ANKS1B: variants seen among roughly 807,000 people sequenced by gnomAD.
ANKS1B encodes the protein ankyrin repeat and sterile alpha motif domain containing 1B, also known as ankyrin repeat and sterile alpha motif domain-containing protein 1B.
ANKS1B carries 36 observed loss-of-function variants against 148.3 expected under a neutral mutation model. The observed-to-expected ratio is 0.24, with a 90% confidence interval of 0.19 to 0.32. ANKS1B has a LOEUF of 0.32. Among genes scored for constraint, ANKS1B ranks in the 10% least tolerant of loss-of-function variants. The pLI, the probability that ANKS1B is intolerant of heterozygous loss-of-function variation, is 1.00. For missense variants in ANKS1B, 1,157 were observed against 1,542.6 expected (o/e 0.75, Z 4.19); for synonymous variants, 542 against 560.8 (o/e 0.97, Z 0.47).
At chr12:98,978,823 T>A (rs2099903041) in intron 17 of ANKS1B, among the ~76,000 whole-genome samples, 1 of 152,124 alleles carries the variant, frequency 6.6e-6, no homozygotes, top group African/African-American at 2.4e-5. Context: ...TATTTTTGCT[T>A]TAAATAGCTA....
chr12:99,246,747 A>T lies in ANKS1B; in HGVS notation c.1874T>A (p.Leu625His). The T allele has an allele frequency of 6.2e-7, 1 of 1,613,910 alleles. No individual in the cohort carries two copies. Among genetic ancestry groups the T allele is most frequent in the South Asian group, 1.1e-5 (1 of 91,078 alleles). Reference protein sequence around the residue: ...ACESPENPFHLYGKREQCEKG... With the variant: ...ACESPENPFHHYGKREQCEKG... ...TTCACATTGTTCTCTTTTCCCATAG[A>T]GATGAAATGGATTTTCAGGGGACTC... The change falls in exon 13 of 27, where the codon CTC becomes CAC. Residue 625 changes from leucine to histidine, a missense_variant. Physicochemically the swap from Leu to His is moderately conservative, Grantham distance 99. This residue lies in a region of ANKS1B where 661 missense variants were observed against 642.1 expected (regional missense o/e 1.03). Coordinates refer to ENST00000683438, the MANE Select transcript of ANKS1B (RefSeq NM_001352186.2).
intron 9 of ANKS1B, among the ~76,000 whole-genome samples, chr12:99,630,788 C>G (rs907397443): frequency 3.3e-5 from 5 of 152,156 alleles, no homozygotes; most frequent in Non-Finnish European, 7.3e-5. Flanking sequence ...GACTCTACAG[C>G]ACGTCCTTAC....
chr12:99,710,620 T>A (rs1374539217), intron 8 of ANKS1B, among the ~76,000 whole-genome samples: 9 of 152,178 alleles, frequency 5.9e-5, no homozygotes, highest in Non-Finnish European at 1.5e-5. Context: ...CTTTCCTTAT[T>A]TATAGGCATC....
At chr12:99,209,647 A>G (rs2083097693) in intron 14 of ANKS1B, among the ~76,000 whole-genome samples, 1 of 152,186 alleles carries the variant, frequency 6.6e-6, no homozygotes, top group Non-Finnish European at 1.5e-5. Context: ...CAAACTATAA[A>G]CAAGGATGAG....
At chr12:99,002,469 A>G (rs1051854668) in intron 17 of ANKS1B, among the ~76,000 whole-genome samples, 1 of 150,222 alleles carries the variant, frequency 6.7e-6, no homozygotes, top group African/African-American at 2.5e-5. Context: ...AACATAGCCG[A>G]CACTTCATGT....
At chr12:99,801,067 T>C (rs1366221293) in intron 4 of ANKS1B, among the ~76,000 whole-genome samples, 15 of 152,156 alleles carry the variant, frequency 9.9e-5, no homozygotes, top group Admixed American at 9.8e-4. Context: ...TTTGTACTTC[T>C]TTCCACTTAT....
rs570755751 is a variant in ANKS1B, at chr12:99,749,956, C to T, written c.1128+22966G>A. ...AGAAAAAAACGAAAAATAGTACAAC[C>T]AGATATATAGTTGTATAATCCAAGT... On this transcript the variant is annotated intron_variant, in intron 8 of 26. Coordinates refer to ENST00000683438, the MANE Select transcript of ANKS1B (RefSeq NM_001352186.2). 3.0e-4 allele frequency among the ~76,000 whole-genome samples: 46 copies of T among 152,032 alleles called. 1 individual carries two copies. The highest frequency in any genetic ancestry group is 6.6e-4 in the Admixed American group (10 of 15,238).
intron 1 of ANKS1B, among the ~76,000 whole-genome samples, chr12:99,837,256 G>C (rs1397414829): frequency 2.0e-5 from 3 of 152,132 alleles, no homozygotes; most frequent in African/African-American, 7.2e-5. Flanking sequence ...AGGAAAGAAT[G>C]CAGCCCTGCC....
chr12:99,161,138 C>T (rs747837858), intron 14 of ANKS1B, among the ~76,000 whole-genome samples: 1 of 152,136 alleles, frequency 6.6e-6, no homozygotes, highest in East Asian at 1.9e-4. Flanking sequence ...CCATTTTAAC[C>T]ATATTGATTC....
Position 99,065,633 on chromosome 12 carries a change from T to TC in ANKS1B, c.2626-12325dup, listed in dbSNP as rs757668916. Among the ~76,000 whole-genome samples, 770 of 112,306 alleles carry TC rather than the reference T, an allele frequency of 6.9e-3. 1 individual carries two copies. The highest frequency in any genetic ancestry group is 0.016 in the African/African-American group (459 of 27,846). 73.7% of individuals were successfully genotyped at this position (112,306 alleles called of 152,430 possible). ...ATCCATCCATCCATCCATCCATCCA[T>TC]CCATCCCATCCATCCATCCATCCAT... On this transcript the variant is annotated intron_variant, in intron 16 of 26. Coordinates refer to ENST00000683438, the MANE Select transcript of ANKS1B (RefSeq NM_001352186.2).
chr12:99,171,014 G>A (rs535779972), intron 14 of ANKS1B, among the ~76,000 whole-genome samples: 1 of 152,266 alleles, frequency 6.6e-6, no homozygotes, highest in African/African-American at 2.4e-5. Context: ...TGCCCACATT[G>A]GGGAAAGAAA....
intron 1 of ANKS1B, among the ~76,000 whole-genome samples, chr12:99,876,640 G>T (rs1221661903): frequency 4.6e-5 from 7 of 151,718 alleles, no homozygotes; most frequent in Non-Finnish European, 7.4e-5. Flanking sequence ...TGAGGCAGGA[G>T]AATTGCTTGA....
chr12:99,392,548 T>C (rs2094110642), intron 12 of ANKS1B, among the ~76,000 whole-genome samples: 1 of 152,242 alleles, frequency 6.6e-6, no homozygotes, highest in Non-Finnish European at 1.5e-5. Flanking sequence ...GATAATTAGT[T>C]ACCCAAGGTA....
chr12:99,148,776 A>G (rs748898604), intron 15 of ANKS1B, among the ~76,000 whole-genome samples: 3 of 152,188 alleles, frequency 2.0e-5, no homozygotes, highest in African/African-American at 4.8e-5. Context: ...CAGATAAACA[A>G]TAATTCCTGC....
chr12:99,294,642 C>T (rs902279470), intron 12 of ANKS1B, among the ~76,000 whole-genome samples: 1 of 151,252 alleles, frequency 6.6e-6, no homozygotes, highest in Non-Finnish European at 1.5e-5. Flanking sequence ...CTACAGTCAA[C>T]AATAAATTAT....
chr12:99,527,460 C>A (rs1024286801), intron 9 of ANKS1B, among the ~76,000 whole-genome samples: 10 of 152,172 alleles, frequency 6.6e-5, no homozygotes, highest in Non-Finnish European at 1.5e-4. Context: ...CTTTAGACTG[C>A]ACAAAGTCCA....
chr12:99,434,019 T>C (rs2095420670), intron 11 of ANKS1B, among the ~76,000 whole-genome samples: 1 of 152,138 alleles, frequency 6.6e-6, no homozygotes, highest in South Asian at 2.1e-4. Flanking sequence ...AATAAATAAA[T>C]AAATTAATTA....
chr12:99,505,316 A>G (rs559786062), intron 9 of ANKS1B, among the ~76,000 whole-genome samples: 1 of 152,214 alleles, frequency 6.6e-6, no homozygotes, highest in South Asian at 2.1e-4. Flanking sequence ...GTCTTCTTAC[A>G]TAAATAATAA....
chr12:99,009,771 T>C (rs2099938181), intron 17 of ANKS1B, among the ~76,000 whole-genome samples: 1 of 151,974 alleles, frequency 6.6e-6, no homozygotes, highest in Non-Finnish European at 1.5e-5. Context: ...TATTCCACCA[T>C]TAGGTAATTA....
Sources: gnomAD v4.1 joint callset for allele counts (sites outside exome capture counted in the v4.1 genomes callset) on GRCh38, gnomAD v4.1.1 for gene constraint, gnomAD v4.1.1 regional missense constraint, MANE v1.5 for transcripts, NCBI Gene and HGNC (gene_info 2026-07-23, HGNC 2026-07-21) for gene names.